The following PTPN13 variants were observed in gnomAD, a reference collection of about 807,000 sequenced individuals.
PTPN13 encodes protein tyrosine phosphatase non-receptor type 13, also known as tyrosine-protein phosphatase non-receptor type 13.
Under a neutral mutation model 284.0 loss-of-function variants are expected in PTPN13, and 191 were observed. The observed-to-expected ratio is 0.67, with a 90% CI of 0.60 to 0.76. PTPN13 has a LOEUF of 0.76. Among genes scored for constraint, PTPN13 ranks in the 30% least tolerant of loss-of-function variants. The pLI, the probability that PTPN13 is intolerant of heterozygous loss-of-function variation, is 0.00. For missense variants in PTPN13, 2,797 were observed against 2,939.9 expected (o/e 0.95, Z 1.12); for synonymous variants, 986 against 1,022.3 (o/e 0.96, Z 0.68).
At chr4:86,594,877 C>G (rs1366658043) in intron 1 of PTPN13, 88 bp downstream of exon 1, 1 of 152,516 alleles carries the variant, frequency 6.6e-6, no homozygotes, top group African/African-American at 2.4e-5. Context: ...CCTCCTCTCT[C>G]TGCTTTCGCT....
At position 86,711,098 on chromosome 4, in the gene PTPN13, C is replaced by CTTTTTTT. The variant is rs58186398; in HGVS notation, c.1196-5419_1196-5413dup. On this transcript the variant is annotated intron_variant, in intron 7 of 47. Transcript: ENST00000411767. ...GCCACCACACCTGGTTAATTATTGC[C>CTTTTTTT]TTTTTTTTTTTTTTTTTTTGGAGAG... 1.2e-3 allele frequency among the ~76,000 whole-genome samples: 119 copies of CTTTTTTT among 97,092 alleles called. 2 individuals are homozygous for CTTTTTTT. The highest frequency in any genetic ancestry group is 4.4e-3 in the African/African-American group (114 of 25,802). 63.7% of individuals were successfully genotyped at this position (97,092 alleles called of 152,430 possible). A position where few individuals can be genotyped will look rare whatever the true frequency, so the allele number is the denominator to read the frequency against.
rs1475170533 is a variant in PTPN13 at position 86,701,496 on chromosome 4, A to T, written c.890A>T (p.Lys297Met). 6.2e-7 allele frequency: 1 copy of T among 1,614,008 alleles called. No homozygotes were observed. Among genetic ancestry groups the T allele is most frequent in the Non-Finnish European group, 8.5e-7 (1 of 1,179,882 alleles). Residue 297 changes from lysine (K) to methionine (M), a missense_variant, in exon 7 of 48, where the codon AAG becomes ATG. Physicochemically the swap from Lys to Met is moderately conservative, Grantham distance 95. Transcript: ENST00000411767. Reference protein sequence around the residue: ...IPGIDVLSKKKIWASSMDLLC... With the variant: ...IPGIDVLSKKMIWASSMDLLC... ...GGCATTGATGTGCTTTCTAAGAAGA[A>T]GATCTGGGCTTCATCCATGGACTTG...
At chr4:86,628,503 AT>A (rs70948795) in intron 1 of PTPN13, among the ~76,000 whole-genome samples, 2,139 of 136,798 alleles carry the variant, frequency 0.016, 29 homozygotes, top group East Asian at 0.07. Context: ...TTTTTTTTTA[AT>A]TTTTTTTTTT....
Position 86,758,963 on chromosome 4 carries a change from A to C in PTPN13, c.3443A>C (p.Asn1148Thr), listed in dbSNP as rs780513689. Residue 1148 changes from asparagine (N) to threonine (T), a missense_variant, in exon 23 of 48, where the codon AAT becomes ACT. Coordinates refer to ENST00000411767, the MANE Select transcript of PTPN13 (RefSeq NM_080683.3). ...LKPGDRLISV[N>T]SVSLEGVSHH... Reference sequence around the variant, plus strand: ...ACAGGAGACCGTTTGATATCTGTGAATAGTGTGAGTCTGGAGGGAGTCAGC... The same window carrying C: ...ACAGGAGACCGTTTGATATCTGTGACTAGTGTGAGTCTGGAGGGAGTCAGC... 6 of 1,613,644 alleles carry C rather than the reference A, an allele frequency of 3.7e-6. No homozygotes were observed. Among genetic ancestry groups the C allele is most frequent in the Non-Finnish European group, 5.1e-6 (6 of 1,179,712 alleles).
rs201663555 is a variant in PTPN13 at position 86,762,837 on chromosome 4, C to T, written c.3664C>T (p.Arg1222Cys). 7.4e-6 allele frequency: 12 copies of T among 1,613,646 alleles called. No individual in the cohort carries two copies. The African/African-American group carries it at 1.2e-4, about 16-fold the overall frequency. Residue 1222 changes from arginine (R) to cysteine (C), a missense_variant, in exon 24 of 48, where the codon CGT (arginine) becomes TGT (cysteine). Transcript: ENST00000411767. ...TTCTTCCAAGGATCACCACTGGTCA[C>T]GTGGTACCCTGAGGCACATCTCGGA... ...DSSSKDHHWS[R>C]GTLRHISENS... is the part of the protein sequence containing the mutation.
chr4:86,778,812 C>A (rs1384822871), intron 35 of PTPN13, among the ~76,000 whole-genome samples: 1 of 151,658 alleles, frequency 6.6e-6, no homozygotes, highest in African/African-American at 2.4e-5. Flanking sequence ...GAAAAACACA[C>A]AAAAAAAGCT....
At chr4:86,659,162 C>T (rs1210097616) in intron 2 of PTPN13, among the ~76,000 whole-genome samples, 2 of 151,946 alleles carry the variant, frequency 1.3e-5, no homozygotes, top group Non-Finnish European at 2.9e-5. Flanking sequence ...TTCTCTATGA[C>T]CTGCATTAGA....
chr4:86,607,043 TATAAA>T (rs1279372093), intron 1 of PTPN13, among the ~76,000 whole-genome samples: 1 of 151,900 alleles, frequency 6.6e-6, no homozygotes, highest in Non-Finnish European at 1.5e-5. Context: ...CTCTTAATCA[TATAAA>T]ATAAGACTTA....
chr4:86,785,749 A>G lies in PTPN13; in HGVS notation c.6257-99A>G, dbSNP rs189674317. On this transcript the variant is annotated intron_variant, in intron 39 of 47. Coordinates refer to ENST00000411767, the MANE Select transcript of PTPN13 (RefSeq NM_080683.3). ...TAAAACATTGAAACTATTTATGGAT[A>G]TTGGTTTATACACTGCCTTCTTTTG... is the stretch of plus-strand genomic sequence containing the variant. The G allele has an allele frequency of 8.7e-6, 5 of 572,922 alleles. No homozygotes were observed. The African/African-American group carries it at 9.7e-5, about 11-fold the overall frequency. The allele number at this position is 572,922 out of a possible 1,614,324, so 35.5% of individuals were successfully genotyped here.
chr4:86,669,698 G>A (rs1458984286), intron 2 of PTPN13, among the ~76,000 whole-genome samples: 1 of 152,110 alleles, frequency 6.6e-6, no homozygotes, highest in Non-Finnish European at 1.5e-5. Context: ...AATGTAGCAA[G>A]CCTTTTCTGG....
intron 43 of PTPN13, among the ~76,000 whole-genome samples, chr4:86,805,030 AAATT>A (rs1744501344): frequency 6.6e-6 from 1 of 152,204 alleles, no homozygotes; most frequent in Non-Finnish European, 1.5e-5. Flanking sequence ...CAGAAGTTAA[AAATT>A]AAGACACAAA....
intron 2 of PTPN13, among the ~76,000 whole-genome samples, chr4:86,665,253 G>T (rs1008871938): frequency 6.6e-6 from 1 of 152,104 alleles, no homozygotes; most frequent in Admixed American, 6.6e-5. Flanking sequence ...TGTTTGTGTG[G>T]CTAATGTCAT....
intron 1 of PTPN13, among the ~76,000 whole-genome samples, chr4:86,613,078 TAATTATTGAACTTGATAATA>T (rs1442057813): frequency 3.3e-5 from 5 of 152,222 alleles, no homozygotes; most frequent in African/African-American, 1.2e-4. Flanking sequence ...GATACTTTTC[TAATTATTGAACTTGATAATA>T]GGCTGAGAAA....
chr4:86,694,306 C>T (rs976819017), intron 6 of PTPN13, among the ~76,000 whole-genome samples: 5 of 151,480 alleles, frequency 3.3e-5, no homozygotes, highest in Non-Finnish European at 4.4e-5. Context: ...TCAGGCCAGG[C>T]GTGGTGGCTC....
chr4:86,675,840 G>T (rs569793440), intron 3 of PTPN13, among the ~76,000 whole-genome samples: 1 of 152,038 alleles, frequency 6.6e-6, no homozygotes, highest in Non-Finnish European at 1.5e-5. Flanking sequence ...TTTGAAATCG[G>T]TTTGATGGGA....
chr4:86,657,156 C>T (rs1026612271), intron 2 of PTPN13, among the ~76,000 whole-genome samples: 8 of 152,142 alleles, frequency 5.3e-5, no homozygotes, highest in African/African-American at 1.2e-4. Context: ...GGGAATTCCC[C>T]GACCCCTTGC....
At chr4:86,757,554 GA>G (rs1447532218) in intron 20 of PTPN13, among the ~76,000 whole-genome samples, 6 of 152,002 alleles carry the variant, frequency 3.9e-5, no homozygotes, top group African/African-American at 7.3e-5. Context: ...AGGATCACTT[GA>G]GGCCAGGAGT....
Position 86,594,444 on chromosome 4 carries a change from G to A in PTPN13, c.-351G>A, listed in dbSNP as rs1053703185. The stretch of plus-strand genomic sequence containing the variant: ...TCGGCAGCGGTCAGAGTCGCCTACA[G>A]GAGTTGAGCCGCCCGCGCCAGAAGG... On this transcript the variant is annotated 5_prime_UTR_variant, in exon 1 of 48. Transcript: ENST00000411767. 1 of 152,452 alleles carries A rather than the reference G, an allele frequency of 6.6e-6. No individual in the cohort carries two copies. Among genetic ancestry groups the A allele is most frequent in the African/African-American group, 2.4e-5 (1 of 41,460 alleles). 9.4% of individuals were successfully genotyped at this position (152,452 alleles called of 1,614,324 possible).
chr4:86,769,215 C>T (rs1027276419), intron 28 of PTPN13, among the ~76,000 whole-genome samples: 1 of 152,122 alleles, frequency 6.6e-6, no homozygotes, highest in East Asian at 1.9e-4. Flanking sequence ...TCCACATAAC[C>T]TCCTCTAACA....
Sources: allele counts gnomAD v4.1 joint callset (sites outside exome capture counted in the v4.1 genomes callset), GRCh38; gene constraint gnomAD v4.1.1; transcripts MANE v1.5; gene names NCBI Gene and HGNC (gene_info 2026-07-23, HGNC 2026-07-21).